MEF2C: variants seen among roughly 807,000 people sequenced by gnomAD.
MEF2C encodes myocyte-specific enhancer factor 2C.
Under a neutral mutation model 50.5 loss-of-function variants are expected in MEF2C, and 6 were observed. The ratio of observed to expected loss-of-function variants is 0.12; its 90% CI spans 0.07 to 0.23. The LOEUF (loss-of-function observed/expected upper bound fraction) is 0.23. MEF2C is among the 10% of genes least tolerant of loss of function. The probability of loss-of-function intolerance (pLI) is 1.00; values close to 1 mark genes in which losing one functional copy is unlikely to be tolerated. For synonymous variants in MEF2C, 183 were observed against 228.0 expected (o/e 0.80, Z 1.78); for missense variants, 276 against 605.0 (o/e 0.46, Z 5.70).
intron 1 of MEF2C, chr5:88,838,484 C>G (rs1816045161): frequency 1.1e-6 from 1 of 871,318 alleles, no homozygotes; most frequent in South Asian, 5.3e-5. Flanking sequence ...GAAAAAGAAA[C>G]CCAAAAGAAT....
intron 10 of MEF2C, among the ~76,000 whole-genome samples, chr5:88,728,164 A>C (rs1453714321): frequency 6.6e-6 from 1 of 152,032 alleles, no homozygotes; most frequent in Non-Finnish European, 1.5e-5. Context: ...TCAAATATCT[A>C]AGCTTATACT....
chr5:88,882,942 CA>C lies in MEF2C; in HGVS notation c.-143+12del, dbSNP rs1833413475. On this transcript the variant is annotated intron_variant, in intron 1 of 10. Coordinates refer to ENST00000504921, the MANE Select transcript of MEF2C (RefSeq NM_002397.5). Reference sequence around the variant, plus strand: ...GGTTTTCTATTTCCTCGAGAAATATCAGGGGTACTTACATGAAGGAAGACCC... The same window carrying C: ...GGTTTTCTATTTCCTCGAGAAATATCGGGGTACTTACATGAAGGAAGACCC... The C allele has an allele frequency of 6.6e-6, 1 of 151,480 alleles. No individual in the cohort carries two copies. The highest frequency in any genetic ancestry group is 1.5e-5 in the Non-Finnish European group (1 of 67,890). 9.4% of individuals were successfully genotyped at this position (151,480 alleles called of 1,614,324 possible).
chr5:88,749,543 T>A (rs962409463), intron 5 of MEF2C: 4 of 971,468 alleles, frequency 4.1e-6, no homozygotes, highest in Non-Finnish European at 4.9e-6. Flanking sequence ...GTCCAGAAAT[T>A]TGATCGTTTC....
rs1425567374 is a variant in MEF2C at position 88,749,105 on chromosome 5, C to A, written c.602G>T (p.Gly201Val). The change falls in exon 6 of 11, where the codon GGT becomes GTT. Residue 201 changes from glycine (G) to valine (V), a missense_variant. By Grantham distance (109) the Gly-to-Val change is moderately radical. This residue lies in a region of MEF2C where 256 missense variants were observed against 468.1 expected (regional missense o/e 0.55). Transcript: ENST00000504921. ...GCCTGCACCAGACGTGAGGTCTCCA[C>A]CCATCAGACCACCTATGGATTAAAG... ...PSAGNTGGLMGGDLTSGAGTS... is the reference protein window; with the variant it reads ...PSAGNTGGLMVGDLTSGAGTS... The A allele has an allele frequency of 6.4e-7, 1 of 1,574,246 alleles. No homozygotes were observed. Among genetic ancestry groups the A allele is most frequent in the Non-Finnish European group, 8.6e-7 (1 of 1,159,210 alleles).
At chr5:88,879,388 A>G (rs1235225160) in intron 1 of MEF2C, among the ~76,000 whole-genome samples, 2 of 150,296 alleles carry the variant, frequency 1.3e-5, no homozygotes, top group African/African-American at 4.9e-5. Context: ...TATATTATAT[A>G]TATATATAAA....
intron 3 of MEF2C, among the ~76,000 whole-genome samples, chr5:88,796,638 C>A (rs1381219748): frequency 1.3e-5 from 2 of 152,018 alleles, no homozygotes; most frequent in African/African-American, 4.8e-5. Context: ...TCCTTCAGTT[C>A]GGCTCTTAGT....
chr5:88,746,150 A>C (rs1769427903), intron 6 of MEF2C, among the ~76,000 whole-genome samples: 1 of 152,192 alleles, frequency 6.6e-6, no homozygotes, highest in African/African-American at 2.4e-5. Context: ...TGGCATGTGA[A>C]TGATGACCTA....
intron 1 of MEF2C, among the ~76,000 whole-genome samples, chr5:88,864,435 G>T (rs1826572340): frequency 1.3e-5 from 2 of 151,710 alleles, no homozygotes; most frequent in Admixed American, 1.3e-4. Context: ...TACCTGGATG[G>T]CAGGCCAATT....
intron 6 of MEF2C, chr5:88,737,411 T>G (rs1485957111): frequency 1.0e-6 from 1 of 985,308 alleles, no homozygotes; most frequent in Admixed American, 6.2e-5. Flanking sequence ...TTACCTTAGC[T>G]AACTGCAAGT....
chr5:88,744,925 A>C (rs557338818), intron 6 of MEF2C, among the ~76,000 whole-genome samples: 28 of 152,368 alleles, frequency 1.8e-4, no homozygotes, highest in African/African-American at 6.7e-4. Flanking sequence ...GAGTTAATGA[A>C]ACTTTGCTTT....
chr5:88,734,565 GTTTTTTTTTTTTTTTTTTTT>G lies in MEF2C; in HGVS notation c.638-2684_638-2665del, dbSNP rs66505441. On this transcript the variant is annotated intron_variant, in intron 6 of 10. Coordinates refer to ENST00000504921, the MANE Select transcript of MEF2C (RefSeq NM_002397.5). ...TTCACGGAGGCCTTGAGAAAAGTTT[GTTTTTTTTTTTTTTTTTTTT>G]TTTTTTTTTTTTTAGCATTTTCTAC... The G allele has an allele frequency of 7.3e-3, 3,942 of 541,970 alleles. 3 individuals are homozygous for G. The highest frequency in any genetic ancestry group is 7.8e-3 in the Non-Finnish European group (3,766 of 479,756). 33.6% of individuals were successfully genotyped at this position (541,970 alleles called of 1,614,324 possible).
chr5:88,814,561 A>C (rs1457859606), intron 2 of MEF2C, among the ~76,000 whole-genome samples: 2 of 152,106 alleles, frequency 1.3e-5, no homozygotes, highest in East Asian at 3.9e-4. Flanking sequence ...GTATTTCCAA[A>C]GGATTTTCAA....
At chr5:88,884,837 A>G (rs1833893041), upstream of MEF2C, among the ~76,000 whole-genome samples, 1 of 151,824 alleles carries the variant, frequency 6.6e-6, no homozygotes, top group Non-Finnish European at 1.5e-5. Context: ...TTAGGCTACT[A>G]GAGATTGGGC....
chr5:88,798,043 G>C (rs1487023147), intron 3 of MEF2C, among the ~76,000 whole-genome samples: 3 of 152,064 alleles, frequency 2.0e-5, no homozygotes, highest in African/African-American at 4.8e-5. Flanking sequence ...TCCCTTTGTG[G>C]GTAGCTCGAC....
intron 6 of MEF2C, chr5:88,736,589 T>C (rs1361599681): frequency 2.1e-6 from 2 of 973,768 alleles, no homozygotes; most frequent in African/African-American, 3.5e-5. Flanking sequence ...TCACCAGGCC[T>C]TAAGAGGAGT....
At chr5:88,824,030 T>C (rs1254169376) in intron 1 of MEF2C, 100 bp from the exon 2 acceptor site, 2 of 1,111,112 alleles carry the variant, frequency 1.8e-6, no homozygotes, top group African/African-American at 1.6e-5. Flanking sequence ...TATATGGAGC[T>C]AAAGCAATAA....
intron 1 of MEF2C, among the ~76,000 whole-genome samples, chr5:88,851,209 G>A (rs1031482745): frequency 7.3e-6 from 1 of 137,848 alleles, no homozygotes; most frequent in Admixed American, 7.5e-5. Flanking sequence ...CTCCAGCCTG[G>A]TGACAGAGTG....
At position 88,761,414 on chromosome 5, in the gene MEF2C, T is replaced by C. The variant is rs1236557938; in HGVS notation, c.259-86A>G. 2.8e-6 allele frequency: 4 copies of C among 1,436,012 alleles called. No individual in the cohort carries two copies. The East Asian group carries it at 9.1e-5, about 33-fold the overall frequency. The allele number at this position is 1,436,012 out of a possible 1,614,324, so 89.0% of individuals were successfully genotyped here. ...CATTAAAGAAGTTCAAGCTGTCCAG[T>C]ATTTCAGGTTATTACATATGCTTTA... is the stretch of plus-strand genomic sequence containing the variant. On this transcript the variant is annotated intron_variant, in intron 3 of 10. Transcript: ENST00000504921.
chr5:88,729,012 A>G (rs1760220796), intron 9 of MEF2C, among the ~76,000 whole-genome samples: 1 of 152,210 alleles, frequency 6.6e-6, no homozygotes, highest in Admixed American at 6.5e-5. Context: ...TTTTGAACTC[A>G]GGTTGCATAA....
Sources: gnomAD v4.1 joint callset for allele counts (sites outside exome capture counted in the v4.1 genomes callset) on GRCh38, gnomAD v4.1.1 for gene constraint, gnomAD v4.1.1 regional missense constraint, MANE v1.5 for transcripts, NCBI Gene and HGNC (gene_info 2026-07-23, HGNC 2026-07-21) for gene names.